Variants in RABGEF1 observed in about 807,000 individuals in gnomAD.
RABGEF1 encodes the protein RAB guanine nucleotide exchange factor 1.
In RABGEF1, 26 loss-of-function variants were observed where a neutral mutation model predicts 57.3. The ratio of observed to expected loss-of-function variants is 0.45; its 90% CI spans 0.33 to 0.63. RABGEF1 has a LOEUF of 0.63. Ranked by LOEUF, RABGEF1 falls within the 20% of genes least tolerant of loss-of-function variation. RABGEF1 has a pLI of 0.02. For synonymous variants in RABGEF1, 185 were observed against 210.7 expected (o/e 0.88, Z 1.06); for missense variants, 464 against 607.6 (o/e 0.76, Z 2.48).
intron 4 of RABGEF1, among the ~76,000 whole-genome samples, chr7:66,792,602 G>T (rs1329729471): frequency 2.0e-5 from 3 of 152,276 alleles, no homozygotes; most frequent in African/African-American, 7.2e-5. Context: ...CTTGAAGGAG[G>T]CACTATCTCT....
chr7:66,680,615 C>T (rs1391303704), upstream of RABGEF1, among the ~76,000 whole-genome samples: 2 of 151,320 alleles, frequency 1.3e-5, no homozygotes, highest in Admixed American at 6.6e-5. Flanking sequence ...ATTTGAGAAA[C>T]GAATCAATTA....
intron 1 of RABGEF1, among the ~76,000 whole-genome samples, chr7:66,755,516 C>A (rs1224858407): frequency 1.3e-5 from 2 of 152,002 alleles, no homozygotes; most frequent in Non-Finnish European, 2.9e-5. Flanking sequence ...AAAAGAAATG[C>A]CTTTAACAGA....
intron 1 of RABGEF1, among the ~76,000 whole-genome samples, chr7:66,751,248 C>T (rs528218316): frequency 1.3e-5 from 2 of 152,340 alleles, no homozygotes; most frequent in East Asian, 3.9e-4. Flanking sequence ...CCAGGCTGGT[C>T]TCGATCTCCT....
intron 3 of RABGEF1, among the ~76,000 whole-genome samples, chr7:66,779,670 T>TAAAAAAAAAAAAAAAAAAAA (rs373692116): frequency 8.1e-6 from 1 of 124,182 alleles, no homozygotes; most frequent in Non-Finnish European, 1.7e-5. Context: ...AGACCCTGAT[T>TAAAAAAAAAAAAAAAAAAAA]AAAAAAAAAA....
chr7:66,736,484 G>A (rs1339979057), upstream of RABGEF1, among the ~76,000 whole-genome samples: 2 of 152,202 alleles, frequency 1.3e-5, no homozygotes, highest in African/African-American at 2.4e-5. Flanking sequence ...ATGTGAGCAA[G>A]AGCACTAAGA....
intron 1 of RABGEF1, chr7:66,748,817 C>G (rs1781268631): frequency 5.6e-6 from 1 of 179,180 alleles, no homozygotes; most frequent in Non-Finnish European, 1.3e-5. Flanking sequence ...TTCCATTTCT[C>G]CAATTCGAAC....
chr7:66,797,848 G>A (rs1434553095), intron 6 of RABGEF1, among the ~76,000 whole-genome samples: 2 of 152,184 alleles, frequency 1.3e-5, no homozygotes, highest in East Asian at 1.9e-4. Context: ...AGGGGATGTC[G>A]GCTGGGCCCG....
intron 2 of RABGEF1, among the ~76,000 whole-genome samples, chr7:66,712,454 TTTTC>T (rs1794877689): frequency 6.6e-6 from 1 of 152,236 alleles, no homozygotes; most frequent in Non-Finnish European, 1.5e-5. Context: ...TTTTAAATAT[TTTTC>T]TTTCTGCAGA....
intron 1 of RABGEF1, among the ~76,000 whole-genome samples, chr7:66,694,600 T>C (rs1221235301): frequency 6.6e-6 from 1 of 152,208 alleles, no homozygotes; most frequent in African/African-American, 2.4e-5. Context: ...GAGAACCAGC[T>C]GGAGGGGCAG....
chr7:66,807,341 C>T (rs1450190125), intron 8 of RABGEF1, among the ~76,000 whole-genome samples: 2 of 152,230 alleles, frequency 1.3e-5, no homozygotes, highest in African/African-American at 4.8e-5. Flanking sequence ...CATCTTCCTT[C>T]GCTTCTCATA....
At chr7:66,674,192 C>CTTTT in the RABGEF1 span, among the ~76,000 whole-genome samples, 6 of 139,330 alleles carry the variant, frequency 4.3e-5, no homozygotes, top group South Asian at 2.3e-4. Context: ...CCACTAAAGG[C>CTTTT]TTTTTTTTTT....
intron 1 of RABGEF1, among the ~76,000 whole-genome samples, chr7:66,768,640 G>A (rs913609954): frequency 6.6e-6 from 1 of 151,896 alleles, no homozygotes; most frequent in Non-Finnish European, 1.5e-5. Flanking sequence ...TTTCATATAT[G>A]TGCTGATCTG....
intron 2 of RABGEF1, among the ~76,000 whole-genome samples, chr7:66,730,535 A>G (rs948530184): frequency 2.0e-5 from 3 of 150,582 alleles, no homozygotes; most frequent in Non-Finnish European, 3.0e-5. Flanking sequence ...GCTCATTCAC[A>G]TATAGCACTT....
At chr7:66,785,874 G>T (rs1278523610) in intron 4 of RABGEF1, among the ~76,000 whole-genome samples, 2 of 95,108 alleles carry the variant, frequency 2.1e-5, no homozygotes, top group Non-Finnish European at 5.3e-5. Context: ...ACTCCATCTG[G>T]GGGGGAAAAA....
intron 1 of RABGEF1, among the ~76,000 whole-genome samples, chr7:66,687,242 C>T (rs1463444469): frequency 2.7e-5 from 4 of 150,886 alleles, no homozygotes; most frequent in African/African-American, 7.3e-5. Context: ...CCTCCTGCCT[C>T]GGCCCCCCAG....
the RABGEF1 span, among the ~76,000 whole-genome samples, chr7:66,662,882 CAT>C: frequency 6.6e-6 from 1 of 150,930 alleles, no homozygotes; most frequent in African/African-American, 2.4e-5. Context: ...TGTGTACAGG[CAT>C]GTGTGTGCAG....
Position 66,783,463 on chromosome 7 carries a change from A to G in RABGEF1, c.347-212A>G, listed in dbSNP as rs1384114824. On this transcript the variant is annotated intron_variant, in intron 3 of 8. Transcript: ENST00000284957. ...ATTTCAGTAGGAATATCTTTTAGAT[A>G]ATGTAGTTTTGTCTACTCATACTTC... is the stretch of plus-strand genomic sequence containing the variant. 2.0e-5 allele frequency among the ~76,000 whole-genome samples: 3 copies of G among 152,344 alleles called. No homozygotes were observed. In the East Asian group the frequency reaches 5.8e-4, roughly 29 times the overall value.
the RABGEF1 span, among the ~76,000 whole-genome samples, chr7:66,676,755 A>G: frequency 2.0e-5 from 3 of 152,112 alleles, no homozygotes; most frequent in African/African-American, 7.2e-5. Context: ...AGTTTTTAAA[A>G]AATTGTTTGC....
chr7:66,739,577 G>C (rs913412200), upstream of RABGEF1, among the ~76,000 whole-genome samples: 6 of 146,848 alleles, frequency 4.1e-5, no homozygotes, highest in Non-Finnish European at 8.9e-5. Flanking sequence ...TGGGAGAATC[G>C]CTTGAACCTA....
Sources: gnomAD v4.1 joint callset for allele counts (sites outside exome capture counted in the v4.1 genomes callset) on GRCh38, gnomAD v4.1.1 for gene constraint, MANE v1.5 for transcripts, NCBI Gene and HGNC (gene_info 2026-07-23, HGNC 2026-07-21) for gene names.